The following COMT variants were observed in gnomAD, a reference collection of about 807,000 sequenced individuals.
COMT encodes the protein catechol O-methyltransferase.
In COMT, 13 loss-of-function variants were observed where a neutral mutation model predicts 18.9. That is an observed-to-expected ratio of 0.69 (90% CI 0.45 to 1.09). COMT has a LOEUF of 1.09. Among genes scored for constraint, COMT ranks in the 50% least tolerant of loss-of-function variants. COMT has a pLI of 0.00. For synonymous variants in COMT, 150 were observed against 160.9 expected (o/e 0.93, Z 0.51); for missense variants, 329 against 361.8 (o/e 0.91, Z 0.73).
intron 4 of COMT, 149 bp downstream of exon 4, chr22:19,963,908 G>A (rs976805413): frequency 1.6e-5 from 20 of 1,230,386 alleles, no homozygotes; most frequent in Non-Finnish European, 2.2e-5. Flanking sequence ...CCCAGCCTGG[G>A]GCTGAGGAAA....
intron 1 of COMT, among the ~76,000 whole-genome samples, chr22:19,957,841 T>A (rs1942098596): frequency 6.6e-6 from 1 of 152,240 alleles, no homozygotes; most frequent in Non-Finnish European, 1.5e-5. Flanking sequence ...AGAAGGTTCA[T>A]CCATTTTGAT....
At chr22:19,959,818 G>T (rs11912353) in intron 1 of COMT, among the ~76,000 whole-genome samples, 116 of 23,876 alleles carry the variant, frequency 4.9e-3, no homozygotes, top group Admixed American at 0.041. Flanking sequence ...GCTCTTGGCC[G>T]TTGGGGCCCA....
chr22:19,964,774 CCT>C (rs1487328316), intron 5 of COMT: 10 of 376,820 alleles, frequency 2.7e-5, no homozygotes, highest in African/African-American at 1.6e-4. Flanking sequence ...TGGCGAGGAC[CCT>C]GAGTGCCCCG....
At chr22:19,958,653 GT>G (rs1433627655) in intron 1 of COMT, among the ~76,000 whole-genome samples, 2 of 149,502 alleles carry the variant, frequency 1.3e-5, no homozygotes, top group African/African-American at 4.9e-5. Flanking sequence ...GGCCAAGGGG[GT>G]GGAGCACTTG....
chr22:19,949,433 A>G (rs906927241), intron 1 of COMT, among the ~76,000 whole-genome samples: 4 of 152,198 alleles, frequency 2.6e-5, no homozygotes, highest in African/African-American at 9.7e-5. Flanking sequence ...ACAAAATTAC[A>G]TCCCTTTCTT....
intron 5 of COMT, among the ~76,000 whole-genome samples, chr22:19,966,539 C>T (rs936740173): frequency 2.0e-5 from 3 of 151,358 alleles, no homozygotes; most frequent in Non-Finnish European, 4.4e-5. Flanking sequence ...CTCCTGAGCT[C>T]CAGTGATCCT....
chr22:19,963,776 C>T lies in COMT; in HGVS notation c.483+17C>T, dbSNP rs368145153. On this transcript the variant is annotated intron_variant, in intron 4 of 5. Transcript: ENST00000361682. ...AAGGACAAGGTGTGCATGCCTGACC[C>T]GTTGTCAGACCTGGAAAAAGGGCCG... The T allele has an allele frequency of 5.4e-5, 86 of 1,606,056 alleles. No individual in the cohort carries two copies. The highest frequency in any genetic ancestry group is 7.0e-5 in the Non-Finnish European group (83 of 1,178,898).
chr22:19,969,082 G>A lies in COMT; in HGVS notation c.*346G>A. 1 of 242,190 alleles carries A rather than the reference G, an allele frequency of 4.1e-6. No homozygotes were observed. Among genetic ancestry groups the A allele is most frequent in the East Asian group, 1.2e-4 (1 of 8,476 alleles). The allele number at this position is 242,190 out of a possible 1,614,324, so 15.0% of individuals were successfully genotyped here. On this transcript the variant is annotated 3_prime_UTR_variant, in exon 6 of 6. Transcript: ENST00000361682. ...CCATTCCCCTGCTGCCCTTGACTTG[G>A]GCACCAAACATTCAAAGCTCCCCTT...
At position 19,941,913 on chromosome 22, in the gene COMT, A is replaced by G; in HGVS notation, c.-92+16A>G. 8.4e-7 allele frequency: 1 copy of G among 1,190,792 alleles called. No individual in the cohort carries two copies. The highest frequency in any genetic ancestry group is 1.1e-6 in the Non-Finnish European group (1 of 917,620). 73.8% of individuals were successfully genotyped at this position (1,190,792 alleles called of 1,614,324 possible). ...CGCGGGAGAGGTGAGAGCGCTGGCTAGACCGGGGCCGAATGCGGCCGGATT... is the reference window on the plus strand; with the variant it reads ...CGCGGGAGAGGTGAGAGCGCTGGCTGGACCGGGGCCGAATGCGGCCGGATT... On this transcript the variant is annotated intron_variant, in intron 1 of 5. Coordinates refer to ENST00000361682, the MANE Select transcript of COMT (RefSeq NM_000754.4).
At position 19,950,263 on chromosome 22, in the gene COMT, T is replaced by TC. The variant is rs761484267; in HGVS notation, c.-92+8367dup. ...TTTCTTTTTTTTTTTTTTTTTTTTT[T>TC]CTGTAGAGACAAGGTCTTGCTGTGT... On this transcript the variant is annotated intron_variant, in intron 1 of 5. Transcript: ENST00000361682. 1.4e-3 allele frequency among the ~76,000 whole-genome samples: 183 copies of TC among 132,390 alleles called. 5 individuals are homozygous for TC. The South Asian group carries it at 0.016, about 12-fold the overall frequency. 86.9% of individuals were successfully genotyped at this position (132,390 alleles called of 152,430 possible). A position where few individuals can be genotyped will look rare whatever the true frequency, so the allele number is the denominator to read the frequency against.
At chr22:19,966,343 A>G (rs1310908515) in intron 5 of COMT, among the ~76,000 whole-genome samples, 3 of 151,852 alleles carry the variant, frequency 2.0e-5, no homozygotes, top group Non-Finnish European at 4.4e-5. Context: ...TTGCAATTCA[A>G]AATCAAGGGC....
chr22:19,950,907 G>C (rs768457397), intron 1 of COMT: 1 of 152,234 alleles, frequency 6.6e-6, no homozygotes, highest in Non-Finnish European at 1.5e-5. Context: ...GTAGCGCAGA[G>C]GGCATGATCA....
At chr22:19,962,973 G>A in intron 3 of COMT, 158 bp downstream of exon 3, 1 of 940,058 alleles carries the variant, frequency 1.1e-6, no homozygotes. Flanking sequence ...GAGTCCCAGG[G>A]TGCCAGGGTC....
chr22:19,962,283 TGCAG>T lies in COMT; in HGVS notation c.1-241_1-238del. The T allele has an allele frequency of 4.9e-6, 3 of 611,706 alleles. No individual in the cohort carries two copies. In the Admixed American group the frequency reaches 8.9e-5, roughly 18 times the overall value. The allele number at this position is 611,706 out of a possible 1,614,324, so 37.9% of individuals were successfully genotyped here. A position where few individuals can be genotyped will look rare whatever the true frequency, so the allele number is the denominator to read the frequency against. On this transcript the variant is annotated intron_variant, in intron 2 of 5. Transcript: ENST00000361682. Reference sequence around the variant, plus strand: ...CACCCAGGGCCAGGGAGTGTGACCCTGCAGGCTCCACACAGGACTGCCAGAGGCA... The same window carrying T: ...CACCCAGGGCCAGGGAGTGTGACCCTGCTCCACACAGGACTGCCAGAGGCA...
intron 1 of COMT, among the ~76,000 whole-genome samples, chr22:19,955,502 A>G (rs1326690251): frequency 1.3e-5 from 2 of 152,246 alleles, no homozygotes; most frequent in African/African-American, 2.4e-5. Flanking sequence ...CAGCAGTTCC[A>G]GCCTTTGCTG....
At chr22:19,967,019 G>C in intron 5 of COMT, 3 of 1,199,608 alleles carry the variant, frequency 2.5e-6, no homozygotes, top group Middle Eastern at 3.6e-4. Context: ...TAGGAGGCTT[G>C]CAGTGTCGGG....
intron 1 of COMT, among the ~76,000 whole-genome samples, chr22:19,949,333 G>T (rs1465371828): frequency 6.6e-6 from 1 of 152,016 alleles, no homozygotes; most frequent in Non-Finnish European, 1.5e-5. Context: ...TAGAAACAGG[G>T]TTTCATCATG....
intron 3 of COMT, 76 bp downstream of exon 3, chr22:19,962,891 G>C: frequency 6.6e-7 from 1 of 1,525,380 alleles, no homozygotes. Context: ...TACAGGAGAA[G>C]CTGTTATCAC....
At chr22:19,946,630 A>C (rs1168872075) in intron 1 of COMT, among the ~76,000 whole-genome samples, 1 of 152,182 alleles carries the variant, frequency 6.6e-6, no homozygotes, top group African/African-American at 2.4e-5. Flanking sequence ...TCAGAGTAAA[A>C]CTCTAATGAC....
Sources: gnomAD v4.1 joint callset for allele counts (sites outside exome capture counted in the v4.1 genomes callset) on GRCh38, gnomAD v4.1.1 for gene constraint, MANE v1.5 for transcripts, NCBI Gene and HGNC (gene_info 2026-07-23, HGNC 2026-07-21) for gene names.